Variants in SMG6 observed in about 807,000 individuals in gnomAD.
The protein encoded by SMG6 is telomerase-binding protein EST1A.
SMG6 carries 66 observed loss-of-function variants against 142.2 expected under a neutral mutation model. That is an observed-to-expected ratio of 0.46 (90% CI 0.38 to 0.57). SMG6 has a LOEUF of 0.57. SMG6 is among the 20% of genes least tolerant of loss of function. The pLI is 0.00. For synonymous variants in SMG6, 779 were observed against 702.4 expected (o/e 1.11, Z -1.72); for missense variants, 1,793 against 1,832.0 (o/e 0.98, Z 0.39).
chr17:2,072,227 C>T (rs1218349055), intron 15 of SMG6, among the ~76,000 whole-genome samples: 5 of 152,202 alleles, frequency 3.3e-5, no homozygotes, highest in East Asian at 1.9e-4. Flanking sequence ...GACAGACTGG[C>T]CCTGGCATGG....
chr17:2,258,038 T>TAC (rs869173398), intron 8 of SMG6, among the ~76,000 whole-genome samples: 3,092 of 89,000 alleles, frequency 0.035, 132 homozygotes, highest in African/African-American at 0.051. Context: ...AAAAAAAATA[T>TAC]ACACACACAC....
chr17:2,169,050 C>CTT (rs757386773), intron 13 of SMG6, among the ~76,000 whole-genome samples: 1 of 143,700 alleles, frequency 7.0e-6, no homozygotes. Flanking sequence ...CCAGCCAAAA[C>CTT]TTTTTTTTTT....
intron 10 of SMG6, among the ~76,000 whole-genome samples, chr17:2,235,283 C>T (rs926023796): frequency 5.9e-5 from 9 of 152,154 alleles, no homozygotes; most frequent in African/African-American, 1.4e-4. Flanking sequence ...GAATTCTAAA[C>T]GCTGTAGCAG....
intron 8 of SMG6, among the ~76,000 whole-genome samples, chr17:2,276,176 G>A (rs2074643893): frequency 6.6e-6 from 1 of 152,122 alleles, no homozygotes; most frequent in Non-Finnish European, 1.5e-5. Flanking sequence ...CGAACAATTT[G>A]GGCATAACAC....
chr17:2,126,957 C>T (rs2069908748), intron 13 of SMG6, among the ~76,000 whole-genome samples: 1 of 151,954 alleles, frequency 6.6e-6, no homozygotes, highest in East Asian at 1.9e-4. Flanking sequence ...TGCACACACA[C>T]ACATATACGC....
chr17:2,157,300 C>T (rs550662686), intron 13 of SMG6, among the ~76,000 whole-genome samples: 37 of 152,330 alleles, frequency 2.4e-4, no homozygotes, highest in South Asian at 1.5e-3. Context: ...ACAAAGCAGA[C>T]AGACTCTAAC....
intron 13 of SMG6, among the ~76,000 whole-genome samples, chr17:2,086,777 C>T (rs1040117580): frequency 6.6e-6 from 1 of 152,218 alleles, no homozygotes; most frequent in Non-Finnish European, 1.5e-5. Flanking sequence ...TTGGCTCACA[C>T]TCTCCTCCAT....
rs550210107 is a variant in SMG6 at position 2,250,094 on chromosome 17, T to C, written c.2662-5375A>G. ...TGTTTTACACAAGCCTTGAAAGTTA[T>C]CACTCAAAATTGTGTCTAAGGGCTT... On this transcript the variant is annotated intron_variant, in intron 8 of 18. Transcript: ENST00000263073. Among the ~76,000 whole-genome samples, 129 of 152,322 alleles carry C rather than the reference T, an allele frequency of 8.5e-4. 1 individual carries two copies. The highest frequency in any genetic ancestry group is 6.2e-3 in the South Asian group (30 of 4,832).
At chr17:2,264,099 A>G (rs576185956) in intron 8 of SMG6, among the ~76,000 whole-genome samples, 1 of 86,408 alleles carries the variant, frequency 1.2e-5, no homozygotes, top group African/African-American at 2.8e-5. Flanking sequence ...TCACCTCACT[A>G]CTCCTTCCTA....
At chr17:2,065,355 T>C (rs2067910792) in intron 17 of SMG6, 113 bp downstream of exon 17, 10 of 1,124,416 alleles carry the variant, frequency 8.9e-6, no homozygotes, top group South Asian at 5.5e-5. Context: ...TGGGCCTCCA[T>C]GGTGGCTGGC....
intron 6 of SMG6, among the ~76,000 whole-genome samples, chr17:2,284,101 A>T (rs188804474): frequency 2.0e-5 from 3 of 152,212 alleles, no homozygotes. Context: ...GCTATAATGA[A>T]ATCACGAAAT....
intron 10 of SMG6, among the ~76,000 whole-genome samples, chr17:2,221,876 T>C (rs916580411): frequency 1.3e-5 from 2 of 152,194 alleles, no homozygotes; most frequent in African/African-American, 4.8e-5. Context: ...CCCAAGTAGC[T>C]GGGATTACTA....
chr17:2,275,260 A>G (rs774583679), intron 8 of SMG6, among the ~76,000 whole-genome samples: 5 of 152,012 alleles, frequency 3.3e-5, no homozygotes, highest in Non-Finnish European at 5.9e-5. Flanking sequence ...CATCTCTACT[A>G]ACAATACAAA....
In SMG6 at chr17:2,236,542, A is replaced by T; in HGVS notation, c.2819T>A (p.Leu940Gln). The change falls in exon 10 of 19, where the codon CTG (leucine) becomes CAG (glutamine). Residue 940 changes from leucine (L) to glutamine (Q), a missense_variant. Transcript: ENST00000263073. The stretch of plus-strand genomic sequence containing the variant: ...AAACATATTGATGGTCATAAGCTGC[A>T]GCATGCGGGTACTTCCAATGGGAGA... ...SPSPIGSTRMLQLMTINMFAV... is the reference protein window; with the variant it reads ...SPSPIGSTRMQQLMTINMFAV... 1 of 1,613,616 alleles carries T rather than the reference A, an allele frequency of 6.2e-7. No homozygotes were observed. Among genetic ancestry groups the T allele is most frequent in the Non-Finnish European group, 8.5e-7 (1 of 1,179,810 alleles).
chr17:2,078,755 T>C (rs532997611), intron 15 of SMG6, among the ~76,000 whole-genome samples: 10 of 152,062 alleles, frequency 6.6e-5, no homozygotes, highest in South Asian at 4.2e-4. Flanking sequence ...AAAAAAAGAA[T>C]GGTGGTGAGG....
intron 15 of SMG6, among the ~76,000 whole-genome samples, chr17:2,080,132 G>C (rs2068374787): frequency 7.0e-6 from 1 of 143,446 alleles, no homozygotes; most frequent in African/African-American, 2.6e-5. Flanking sequence ...AAGAATGATG[G>C]ATCTTGGCCA....
At chr17:2,111,684 ATGAGCTACTGTGC>A (rs1370937438) in intron 13 of SMG6, among the ~76,000 whole-genome samples, 1 of 152,174 alleles carries the variant, frequency 6.6e-6, no homozygotes, top group Non-Finnish European at 1.5e-5. Context: ...GATTACAGGC[ATGAGCTACTGTGC>A]CTGGCCCGAA....
At chr17:2,263,396 A>G (rs906959847) in intron 8 of SMG6, among the ~76,000 whole-genome samples, 13 of 152,172 alleles carry the variant, frequency 8.5e-5, no homozygotes, top group Non-Finnish European at 1.8e-4. Context: ...CTAGTAACCA[A>G]TGTTACCTAG....
intron 8 of SMG6, among the ~76,000 whole-genome samples, chr17:2,256,325 G>C (rs1468863226): frequency 6.6e-6 from 1 of 152,080 alleles, no homozygotes; most frequent in Admixed American, 6.6e-5. Context: ...ACTGGCAATG[G>C]AAACACAGAG....
Sources: gnomAD v4.1 joint callset for allele counts (sites outside exome capture counted in the v4.1 genomes callset) on GRCh38, gnomAD v4.1.1 for gene constraint, MANE v1.5 for transcripts, NCBI Gene and HGNC (gene_info 2026-07-23, HGNC 2026-07-21) for gene names.